The following RAX variants were observed in gnomAD, a reference collection of about 807,000 sequenced individuals.
The protein encoded by RAX is retinal homeobox protein Rx.
Under a neutral mutation model 17.4 loss-of-function variants are expected in RAX, and 11 were observed. The ratio of observed to expected loss-of-function variants is 0.63; its 90% confidence interval spans 0.40 to 1.05. RAX has a LOEUF of 1.05. Ranked by LOEUF, RAX falls within the 50% of genes least tolerant of loss-of-function variation. RAX has a pLI of 0.00. For synonymous variants in RAX, 276 were observed against 254.7 expected, an observed-to-expected ratio of 1.08 and a Z score of -0.80; for missense variants, 527 against 501.1, an observed-to-expected ratio of 1.05 and a Z score of -0.49.
At chr18:59,270,918 G>T (rs2070333163) in intron 2 of RAX, among the ~76,000 whole-genome samples, 1 of 152,146 alleles carries the variant, frequency 6.6e-6, no homozygotes, top group Admixed American at 6.5e-5. Context: ...CGGCTTCCCT[G>T]TCTGTCCCAC....
chr18:59,273,337 C>T lies in RAX; in HGVS notation c.-131G>A. 2 of 1,011,406 alleles carry T rather than the reference C, an allele frequency of 2.0e-6. No homozygotes were observed. Among genetic ancestry groups the T allele is most frequent in the Non-Finnish European group, 2.7e-6 (2 of 729,776 alleles). 62.7% of individuals were successfully genotyped at this position (1,011,406 alleles called of 1,614,324 possible). On this transcript the variant is annotated 5_prime_UTR_variant, in exon 1 of 3. Transcript: ENST00000334889. ...TCAAGCTCCGCGGGCGAAGCCCGCC[C>T]GGGCTGCGCACGCTGGGGGTGGCCG...
In RAX at chr18:59,272,975, C is replaced by A; in HGVS notation, c.232G>T (p.Glu78Ter). 6.6e-7 allele frequency: 1 copy of A among 1,521,748 alleles called. No homozygotes were observed. Among genetic ancestry groups the A allele is most frequent in the Non-Finnish European group, 8.8e-7 (1 of 1,142,030 alleles). 94.3% of individuals were successfully genotyped at this position (1,521,748 alleles called of 1,614,324 possible). ...GARPACPKAP[E>*]EGSEPSPPPA... ...GGCGGGGAGGGCTCGGAGCCTTCCT[C>A]GGGCGCCTTGGGGCAGGCGGGCCGC... is the stretch of plus-strand genomic sequence containing the variant. The change falls in exon 1 of 3, where the codon GAG becomes TAG. Residue 78 changes from glutamate to a stop codon, truncating the protein, a stop_gained. Coordinates refer to ENST00000334889, the MANE Select transcript of RAX (RefSeq NM_013435.3). LOFTEE classifies it high-confidence loss of function.
rs761976988 is a variant in RAX at position 59,272,382 on chromosome 18, G to A, written c.522C>T (p.Asn174=). 1.2e-6 allele frequency: 2 copies of A among 1,614,262 alleles called. No homozygotes were observed. Among genetic ancestry groups the A allele is most frequent in the Non-Finnish European group, 1.7e-6 (2 of 1,180,050 alleles). ...TTACCTGGACCCGGACCTCTGGTAG[G>A]TTGACCTTGCCGGCCAGCTCCTCGC... ...YSREELAGKV[N]LPEVRVQVWF... The change falls in exon 2 of 3, where the codon AAC becomes AAT. Residue 174 remains asparagine, a synonymous_variant. Transcript: ENST00000334889.
At position 59,268,863 on chromosome 18, in the gene RAX, G is replaced by C; in HGVS notation, c.*141C>G. 7.2e-7 allele frequency: 1 copy of C among 1,381,360 alleles called. No individual in the cohort carries two copies. Among genetic ancestry groups the C allele is most frequent in the Admixed American group, 2.0e-5 (1 of 50,820 alleles). The allele number at this position is 1,381,360 out of a possible 1,614,324, so 85.6% of individuals were successfully genotyped here. A position where few individuals can be genotyped will look rare whatever the true frequency, so the allele number is the denominator to read the frequency against. On this transcript the variant is annotated 3_prime_UTR_variant, in exon 3 of 3. Coordinates refer to ENST00000334889, the MANE Select transcript of RAX (RefSeq NM_013435.3). This position sits in a 1 kb window ranked among gnomAD's most constrained non-coding sequence, Gnocchi z 4.4. ...CCCGTGCATCGGGAGCAGGCGCGTG[G>C]CCCTGAACTATGCTTGGCGGGTGGC...
chr18:59,269,072 T>A lies in RAX; in HGVS notation c.973A>T (p.Ile325Phe). 6.2e-7 allele frequency: 1 copy of A among 1,612,694 alleles called. No individual in the cohort carries two copies. Among genetic ancestry groups the A allele is most frequent in the Non-Finnish European group, 8.5e-7 (1 of 1,179,738 alleles). The change falls in exon 3 of 3, where the codon ATC becomes TTC. Residue 325 changes from isoleucine (I) to phenylalanine (F), a missense_variant. Physicochemically the swap from Ile to Phe is conservative, Grantham distance 21 (BLOSUM62 0). Transcript: ENST00000334889. ...TTGGCTTTCAGACGCAGCGCCGCGA[T>A]GCTGCTGTTGCGCGGGTCCGCCTCG... ...LDEADPRNSS[I>F]AALRLKAKEH...
intron 2 of RAX, among the ~76,000 whole-genome samples, chr18:59,269,990 C>G (rs2070324677): frequency 6.6e-6 from 1 of 152,216 alleles, no homozygotes; most frequent in Admixed American, 6.5e-5. Context: ...CCCCTCCTAA[C>G]AGTTTAGACT....
intron 2 of RAX, 51 bp from the exon 3 acceptor site, chr18:59,269,552 C>T: frequency 1.3e-6 from 2 of 1,584,102 alleles, no homozygotes; most frequent in Non-Finnish European, 1.7e-6. Flanking sequence ...GCTGCGGCCG[C>T]GTCCCCAACC....
At chr18:59,271,208 G>C (rs1254849629) in intron 2 of RAX, among the ~76,000 whole-genome samples, 2 of 152,212 alleles carry the variant, frequency 1.3e-5, no homozygotes, top group African/African-American at 4.8e-5. Flanking sequence ...AATGAGGGAG[G>C]ATGCAGGTGG....
intron 2 of RAX, among the ~76,000 whole-genome samples, chr18:59,270,121 G>C (rs1230499237): frequency 6.6e-6 from 1 of 152,102 alleles, no homozygotes; most frequent in African/African-American, 2.4e-5. Context: ...TAGAGTAATT[G>C]GCAAGAATGG....
In RAX at chr18:59,272,692, T is replaced by C. The variant is rs2070349027; in HGVS notation, c.290-78A>G. 2.7e-6 allele frequency: 4 copies of C among 1,491,358 alleles called. No individual in the cohort carries two copies. In the African/African-American group the frequency reaches 4.2e-5, roughly 16 times the overall value. 92.4% of individuals were successfully genotyped at this position (1,491,358 alleles called of 1,614,324 possible). On this transcript the variant is annotated intron_variant, in intron 1 of 2. Transcript: ENST00000334889. ...GCCGACCCCGCCTCGCTGTGGGCAC[T>C]GGCCAGCCCGCCTGCGGGCTCCGAG...
chr18:59,267,894 T>C lies in RAX; in HGVS notation c.*1110A>G, dbSNP rs2070294754. 6.6e-6 allele frequency: 1 copy of C among 152,196 alleles called. No homozygotes were observed. The highest frequency in any genetic ancestry group is 6.6e-5 in the Admixed American group (1 of 15,266). 9.4% of individuals were successfully genotyped at this position (152,196 alleles called of 1,614,324 possible). A position where few individuals can be genotyped will look rare whatever the true frequency, so the allele number is the denominator to read the frequency against. ...CTCTCGGGGCGGTGGCGTAGGGCGC[T>C]CCAGGACACTCTCCGAGCGCGGCAC... On this transcript the variant is annotated 3_prime_UTR_variant, in exon 3 of 3. Coordinates refer to ENST00000334889, the MANE Select transcript of RAX (RefSeq NM_013435.3).
chr18:59,268,602 T>C lies in RAX; in HGVS notation c.*402A>G. On this transcript the variant is annotated 3_prime_UTR_variant, in exon 3 of 3. Transcript: ENST00000334889. The surrounding 1 kb of genome is among the most constrained non-coding windows in gnomAD (Gnocchi z 4.4). ...ACAAAAGTTTCTCAAACTCTATTTTTCCGCCTCCCCTGCTTCCCTGTTATG... is the reference window on the plus strand; with the variant it reads ...ACAAAAGTTTCTCAAACTCTATTTTCCCGCCTCCCCTGCTTCCCTGTTATG... 3.4e-6 allele frequency: 1 copy of C among 293,360 alleles called. No homozygotes were observed. The highest frequency in any genetic ancestry group is 6.3e-6 in the Non-Finnish European group (1 of 157,554). 18.2% of individuals were successfully genotyped at this position (293,360 alleles called of 1,614,324 possible).
chr18:59,269,334 G>A lies in RAX; in HGVS notation c.711C>T (p.Gly237=), dbSNP rs1158359290. 4.6e-6 allele frequency: 6 copies of A among 1,303,868 alleles called. No individual in the cohort carries two copies. In the East Asian group the frequency reaches 9.5e-5, roughly 21 times the overall value. 80.8% of individuals were successfully genotyped at this position (1,303,868 alleles called of 1,614,324 possible). The stretch of plus-strand genomic sequence containing the variant: ...CGAGCCAGGACTCCAGCGGCAGCGC[G>A]CCCCCAGCCGGCCCGCCACCGCTGC... ...GPGSGGGPAG[G]ALPLESWLGP... The change falls in exon 3 of 3, where the codon GGC becomes GGT. Residue 237 remains glycine, a synonymous_variant. Transcript: ENST00000334889.
intron 2 of RAX, among the ~76,000 whole-genome samples, chr18:59,272,158 G>A (rs533780120): frequency 6.6e-6 from 1 of 152,340 alleles, no homozygotes; most frequent in African/African-American, 2.4e-5. Flanking sequence ...AGGGGAGCTC[G>A]TACTACAAAC....
In RAX at chr18:59,268,993, C is replaced by T. The variant is rs529011789; in HGVS notation, c.*11G>A. On this transcript the variant is annotated 3_prime_UTR_variant, in exon 3 of 3. Transcript: ENST00000334889. This position sits in a 1 kb window ranked among gnomAD's most constrained non-coding sequence, Gnocchi z 4.4. ...GCCCGGGGTCGGATCCCAAGACGTTCCCCAGTGCCCCTAGAGGGCCTGCCA... is the reference window on the plus strand; with the variant it reads ...GCCCGGGGTCGGATCCCAAGACGTTTCCCAGTGCCCCTAGAGGGCCTGCCA... 37 of 1,612,846 alleles carry T rather than the reference C, an allele frequency of 2.3e-5. No homozygotes were observed. Among genetic ancestry groups the T allele is most frequent in the Non-Finnish European group, 3.1e-5 (36 of 1,179,880 alleles).
chr18:59,271,353 A>AC (rs1347414821), intron 2 of RAX, among the ~76,000 whole-genome samples: 18 of 151,666 alleles, frequency 1.2e-4, no homozygotes, highest in South Asian at 2.1e-4. Context: ...TAAAATTTCC[A>AC]CCCCTTCAGT....
rs1181527700 is a variant in RAX at position 59,268,755 on chromosome 18, C to G, written c.*249G>C. On this transcript the variant is annotated 3_prime_UTR_variant, in exon 3 of 3. Transcript: ENST00000334889. The surrounding 1 kb of genome is among the most constrained non-coding windows in gnomAD (Gnocchi z 4.4). The stretch of plus-strand genomic sequence containing the variant: ...GCCAGCGGGGCCCGGCAGCCTGTTG[C>G]CCTCCAGCTGCAGGGCTGAGGTCCG... 1 of 620,132 alleles carries G rather than the reference C, an allele frequency of 1.6e-6. No individual in the cohort carries two copies. Among genetic ancestry groups the G allele is most frequent in the African/African-American group, 1.9e-5 (1 of 53,058 alleles). 38.4% of individuals were successfully genotyped at this position (620,132 alleles called of 1,614,324 possible).
Position 59,273,049 on chromosome 18 carries a change from G to T in RAX, c.158C>A (p.Ala53Glu), listed in dbSNP as rs1314777106. The T allele has an allele frequency of 6.5e-7, 1 of 1,534,722 alleles. No homozygotes were observed. The highest frequency in any genetic ancestry group is 1.2e-5 in the South Asian group (1 of 84,010). Residue 53 changes from alanine (A) to glutamate (E), a missense_variant, in exon 1 of 3, where the codon GCG (alanine) becomes GAG (glutamate). Transcript: ENST00000334889. Reference sequence around the variant, plus strand: ...CTTCGCGCCCCGGGCGCCCCGCTCCGCCGGGAAGGTGCCGAGGATCCCGTC... The same window carrying T: ...CTTCGCGCCCCGGGCGCCCCGCTCCTCCGGGAAGGTGCCGAGGATCCCGTC... Reference protein sequence around the residue: ...KDDGILGTFPAERGARGAKER... With the variant: ...KDDGILGTFPEERGARGAKER...
At chr18:59,270,338 A>C (rs2070327757) in intron 2 of RAX, among the ~76,000 whole-genome samples, 1 of 152,194 alleles carries the variant, frequency 6.6e-6, no homozygotes, top group East Asian at 1.9e-4. Flanking sequence ...TTTACATTAC[A>C]AAGTTAATTT....
Sources: gnomAD v4.1 joint callset for allele counts (sites outside exome capture counted in the v4.1 genomes callset) on GRCh38, gnomAD v4.1.1 for gene constraint, Gnocchi (gnomAD v3.1) non-coding constraint, MANE v1.5 for transcripts, NCBI Gene and HGNC (gene_info 2026-07-23, HGNC 2026-07-21) for gene names.